The following SOX6 variants were observed in gnomAD, a reference collection of about 807,000 sequenced individuals.
SOX6 encodes the protein SRY-box transcription factor 6, also known as transcription factor SOX-6.
SOX6 carries 11 observed loss-of-function variants against 97.8 expected under a neutral mutation model. The ratio of observed to expected loss-of-function variants is 0.11; its 90% CI spans 0.07 to 0.19. The LOEUF (loss-of-function observed/expected upper bound fraction) is 0.19. Ranked by LOEUF, SOX6 falls within the 10% of genes least tolerant of loss-of-function variation. The pLI is 1.00. For missense variants in SOX6, 810 were observed against 1,039.5 expected, an observed-to-expected ratio of 0.78 and a Z score of 3.04; for synonymous variants, 360 against 371.4, an observed-to-expected ratio of 0.97 and a Z score of 0.35.
intron 5 of SOX6, 126 bp from the exon 6 acceptor site, chr11:16,184,080 T>C: frequency 1.2e-6 from 1 of 847,192 alleles, no homozygotes; most frequent in South Asian, 1.5e-5. Context: ...TCCTATAAAA[T>C]GAGAGAGGCC....
intron 3 of SOX6, among the ~76,000 whole-genome samples, chr11:16,680,962 G>A (rs1847922891): frequency 6.6e-6 from 1 of 152,108 alleles, no homozygotes; most frequent in African/African-American, 2.4e-5. Flanking sequence ...ATAAAAACAA[G>A]TCCATAGAGA....
At chr11:16,504,797 AGATCTACT>A (rs924695178) in intron 4 of SOX6, among the ~76,000 whole-genome samples, 20 of 151,998 alleles carry the variant, frequency 1.3e-4, no homozygotes, top group Non-Finnish European at 2.9e-5. Context: ...AGTTCTCCCC[AGATCTACT>A]TGTTTAAAAG....
chr11:16,162,929 A>G (rs1850790029), intron 6 of SOX6, among the ~76,000 whole-genome samples: 1 of 152,126 alleles, frequency 6.6e-6, no homozygotes, highest in Non-Finnish European at 1.5e-5. Context: ...GAAAGAAAAA[A>G]GGAAGAAAAG....
intron 4 of SOX6, among the ~76,000 whole-genome samples, chr11:16,590,616 C>T (rs1325066208): frequency 6.6e-6 from 1 of 151,802 alleles, no homozygotes; most frequent in Non-Finnish European, 1.5e-5. Context: ...TATTTAGCCA[C>T]AAAAAGAATG....
At chr11:16,376,137 C>T in intron 1 of SOX6, among the ~76,000 whole-genome samples, 1 of 151,994 alleles carries the variant, frequency 6.6e-6, no homozygotes, top group Admixed American at 6.6e-5. Flanking sequence ...TGTAACAAAC[C>T]TGCACATTCT....
At chr11:16,731,400 G>T (rs1445396432) in intron 2 of SOX6, among the ~76,000 whole-genome samples, 3 of 152,114 alleles carry the variant, frequency 2.0e-5, no homozygotes, top group East Asian at 3.8e-4. Context: ...TATTCACCAC[G>T]ATCAAGTCAG....
intron 6 of SOX6, among the ~76,000 whole-genome samples, chr11:16,125,168 C>T (rs751181163): frequency 3.9e-5 from 6 of 151,962 alleles, no homozygotes; most frequent in Non-Finnish European, 7.4e-5. Flanking sequence ...TCATTAATTC[C>T]TATAGGGGAG....
intron 1 of SOX6, among the ~76,000 whole-genome samples, chr11:16,354,491 T>C (rs1022130919): frequency 3.9e-5 from 6 of 151,982 alleles, no homozygotes; most frequent in African/African-American, 1.4e-4. Context: ...TAAAAATATA[T>C]TGTTACTGTT....
chr11:15,994,575 A>G (rs1211464449), intron 13 of SOX6, among the ~76,000 whole-genome samples: 1 of 152,164 alleles, frequency 6.6e-6, no homozygotes, highest in Non-Finnish European at 1.5e-5. Context: ...AATATGTTCT[A>G]GAAGAGATCA....
intron 1 of SOX6, among the ~76,000 whole-genome samples, chr11:16,401,994 C>T (rs575897031): frequency 3.3e-5 from 5 of 151,706 alleles, no homozygotes; most frequent in Non-Finnish European, 4.4e-5. Context: ...TACATACACA[C>T]ATCACCACCA....
chr11:16,638,825 T>G (rs867639240), intron 3 of SOX6, among the ~76,000 whole-genome samples: 15 of 152,236 alleles, frequency 9.9e-5, no homozygotes, highest in Non-Finnish European at 1.9e-4. Flanking sequence ...ATTAGCCCTT[T>G]GTCAGATGAG....
chr11:16,456,757 C>T (rs559818122), intron 1 of SOX6, among the ~76,000 whole-genome samples: 1 of 152,234 alleles, frequency 6.6e-6, no homozygotes, highest in East Asian at 1.9e-4. Flanking sequence ...TTCCTTAGTT[C>T]TCTTAACCAA....
intron 4 of SOX6, among the ~76,000 whole-genome samples, chr11:16,544,548 C>T (rs10832641): frequency 0.38 from 58,236 of 151,996 alleles, 12,368 homozygotes; most frequent in Non-Finnish European, 0.46. Context: ...AGGTGAGCCA[C>T]CACACCCAGC....
At chr11:16,627,030 G>A (rs1295276206) in intron 3 of SOX6, among the ~76,000 whole-genome samples, 2 of 152,068 alleles carry the variant, frequency 1.3e-5, no homozygotes, top group Non-Finnish European at 2.9e-5. Context: ...ATGTACATGT[G>A]TACTCAATAT....
intron 2 of SOX6, among the ~76,000 whole-genome samples, chr11:16,730,136 C>G (rs1029746282): frequency 1.3e-5 from 2 of 151,744 alleles, no homozygotes; most frequent in Non-Finnish European, 1.5e-5. Flanking sequence ...GACTCCCACA[C>G]AATAATAGTG....
chr11:16,095,913 TTAA>T, intron 9 of SOX6, 80 bp downstream of exon 9: 5 of 1,348,736 alleles, frequency 3.7e-6, no homozygotes, highest in Non-Finnish European at 5.2e-6. Context: ...GTTTGCCACT[TTAA>T]AAAAAAAAAA....
chr11:16,186,956 C>A lies in SOX6; in HGVS notation c.536-1G>T. 1 of 1,613,656 alleles carries A rather than the reference C, an allele frequency of 6.2e-7. No individual in the cohort carries two copies. Among genetic ancestry groups the A allele is most frequent in the South Asian group, 1.1e-5 (1 of 91,062 alleles). On this transcript the variant is annotated splice_acceptor_variant, in intron 4 of 15. Coordinates refer to ENST00000683767, the MANE Select transcript of SOX6 (RefSeq NM_001367873.1). LOFTEE classifies it high-confidence loss of function. ...TTTTCTGCCAGGCTCTCAGGTGTAC[C>A]TAAAATGGAAGCAAGAAGAGATCTC... is the stretch of plus-strand genomic sequence containing the variant.
chr11:16,487,045 C>T (rs1000664114), intron 4 of SOX6, among the ~76,000 whole-genome samples: 1 of 151,906 alleles, frequency 6.6e-6, no homozygotes, highest in African/African-American at 2.4e-5. Flanking sequence ...TTCAAAAACT[C>T]CCGGGCTAAA....
intron 6 of SOX6, among the ~76,000 whole-genome samples, chr11:16,153,881 T>G (rs1850526279): frequency 6.6e-6 from 1 of 152,182 alleles, no homozygotes; most frequent in Non-Finnish European, 1.5e-5. Flanking sequence ...TAATGAAGTT[T>G]AACTTCTTTT....
Sources: allele counts gnomAD v4.1 joint callset (sites outside exome capture counted in the v4.1 genomes callset), GRCh38; gene constraint gnomAD v4.1.1; transcripts MANE v1.5; gene names NCBI Gene and HGNC (gene_info 2026-07-23, HGNC 2026-07-21).